Variants in SCN8A observed in about 807,000 individuals in gnomAD.
SCN8A encodes sodium channel protein type 8 subunit alpha.
A neutral mutation model predicts 184.1 loss-of-function variants in SCN8A; 30 were observed. The ratio of observed to expected loss-of-function variants is 0.16; its 90% CI spans 0.12 to 0.22. The LOEUF (loss-of-function observed/expected upper bound fraction) is 0.22, where lower values mean the gene tolerates loss of function less well. Ranked by LOEUF, SCN8A falls within the 10% of genes least tolerant of loss-of-function variation. The pLI, the probability that SCN8A is intolerant of heterozygous loss-of-function variation, is 1.00. For missense variants in SCN8A, 1,057 were observed against 2,498.9 expected, an observed-to-expected ratio of 0.42 and a Z score of 12.30; for synonymous variants, 852 against 907.0, an observed-to-expected ratio of 0.94 and a Z score of 1.09.
At chr12:51,767,171 A>T (rs1942851075) in intron 16 of SCN8A, among the ~76,000 whole-genome samples, 1 of 152,108 alleles carries the variant, frequency 6.6e-6, no homozygotes, top group African/African-American at 2.4e-5. Context: ...TCTTCTCACT[A>T]CTTCAGTGAC....
At chr12:51,637,989 A>G (rs78028684) in intron 1 of SCN8A, among the ~76,000 whole-genome samples, 5,567 of 152,230 alleles carry the variant, frequency 0.037, 313 homozygotes, top group African/African-American at 0.12. Context: ...GCCAGCGCTT[A>G]TTTACCATTC....
intron 14 of SCN8A, among the ~76,000 whole-genome samples, chr12:51,761,151 G>A (rs1265294566): frequency 6.6e-6 from 1 of 152,042 alleles, no homozygotes; most frequent in Non-Finnish European, 1.5e-5. Context: ...CTAGAATGAA[G>A]GTATTGGTTT....
intron 14 of SCN8A, among the ~76,000 whole-genome samples, chr12:51,757,000 C>G (rs751539492): frequency 6.6e-6 from 1 of 152,178 alleles, no homozygotes; most frequent in Non-Finnish European, 1.5e-5. Context: ...AAAAAGAATT[C>G]TTTTCAGATT....
chr12:51,715,306 A>T (rs1297403363), intron 11 of SCN8A, among the ~76,000 whole-genome samples: 1 of 152,108 alleles, frequency 6.6e-6, no homozygotes, highest in South Asian at 2.1e-4. Context: ...CTGTCTTATC[A>T]TCCTTATCAC....
chr12:51,731,432 G>T (rs1435710958), intron 12 of SCN8A, among the ~76,000 whole-genome samples: 3 of 151,650 alleles, frequency 2.0e-5, no homozygotes, highest in Non-Finnish European at 4.4e-5. Flanking sequence ...TGTATTTTTA[G>T]TAGAGACGGG....
intron 1 of SCN8A, among the ~76,000 whole-genome samples, chr12:51,639,874 A>T (rs1165238626): frequency 2.4e-5 from 1 of 41,670 alleles, no homozygotes; most frequent in Admixed American, 3.3e-4. Context: ...GAATTAAGGT[A>T]TATGCTTTTT....
At chr12:51,620,491 A>G (rs192086088) in intron 1 of SCN8A, among the ~76,000 whole-genome samples, 111 of 152,068 alleles carry the variant, frequency 7.3e-4, no homozygotes, top group African/African-American at 2.7e-3. Flanking sequence ...TCTTTATATA[A>G]CTCTATATTT....
chr12:51,753,945 T>G (rs1942634125), intron 14 of SCN8A, among the ~76,000 whole-genome samples: 1 of 152,186 alleles, frequency 6.6e-6, no homozygotes, highest in Non-Finnish European at 1.5e-5. Flanking sequence ...GTGGTTGGAA[T>G]GTGAGGCTTT....
rs1006711624 is a variant in SCN8A at position 51,684,465 on chromosome 12, A to C, written c.395+173A>C. On this transcript the variant is annotated intron_variant, in intron 3 of 26. Transcript: ENST00000627620. ...CCTGCCACATCCCAAGCTAAGCTTC[A>C]GCAAATTATTATTTTTTTTCTTAGG... is the stretch of plus-strand genomic sequence containing the variant. Among the ~76,000 whole-genome samples the C allele has an allele frequency of 3.9e-5, 6 of 152,242 alleles. No individual in the cohort carries two copies. In the East Asian group the frequency reaches 5.8e-4, roughly 15 times the overall value.
chr12:51,709,306 C>CT (rs1941834428), intron 11 of SCN8A, among the ~76,000 whole-genome samples: 1 of 152,088 alleles, frequency 6.6e-6, no homozygotes, highest in South Asian at 2.1e-4. Flanking sequence ...GTGATTGAAA[C>CT]CATGAGACTT....
chr12:51,652,094 G>A (rs1334323370), intron 1 of SCN8A, among the ~76,000 whole-genome samples: 1 of 151,840 alleles, frequency 6.6e-6, no homozygotes, highest in African/African-American at 2.4e-5. Flanking sequence ...CCTCCATTTG[G>A]AGGTACCAAA....
chr12:51,662,718 T>G, intron 1 of SCN8A, 46 bp from the exon 2 acceptor site: 1 of 1,219,176 alleles, frequency 8.2e-7, no homozygotes, highest in Non-Finnish European at 1.2e-6. Context: ...GGCCTCTTTT[T>G]AGAGCAGTGA....
Position 51,786,800 on chromosome 12 carries a change from G to T in SCN8A, c.4201G>T (p.Ala1401Ser). 1 of 1,613,728 alleles carries T rather than the reference G, an allele frequency of 6.2e-7. No homozygotes were observed. The highest frequency in any genetic ancestry group is 8.5e-7 in the Non-Finnish European group (1 of 1,179,818). The change falls in exon 22 of 27, where the codon GCA becomes TCA. Residue 1401 changes from alanine to serine, a missense_variant. Ala to Ser is a moderately conservative substitution (Grantham distance 99). Around this residue, in one of 19 missense-constraint regions of SCN8A, gnomAD observed 37 missense variants for 216.1 expected, o/e 0.17. Coordinates refer to ENST00000627620, the MANE Select transcript of SCN8A (RefSeq NM_001330260.2). Reference sequence around the variant, plus strand: ...GAAGATCAACTTTGACAATGTTGGGGCAGGATACCTGGCCCTTCTTCAAGT... The same window carrying T: ...GAAGATCAACTTTGACAATGTTGGGTCAGGATACCTGGCCCTTCTTCAAGT... The part of the protein sequence containing the change: ...NVKINFDNVG[A>S]GYLALLQVAT...
intron 1 of SCN8A, among the ~76,000 whole-genome samples, chr12:51,646,597 T>A (rs569246370): frequency 3.3e-5 from 5 of 152,292 alleles, no homozygotes; most frequent in African/African-American, 1.2e-4. Flanking sequence ...ACTTTTCAGT[T>A]TTAGAACAAT....
chr12:51,775,618 AC>A (rs577855287), intron 20 of SCN8A, among the ~76,000 whole-genome samples: 1 of 152,086 alleles, frequency 6.6e-6, no homozygotes, highest in Non-Finnish European at 1.5e-5. Context: ...AAGGACCTGT[AC>A]CCCCCACAGA....
intron 25 of SCN8A, among the ~76,000 whole-genome samples, chr12:51,794,158 CAG>C (rs940473375): frequency 3.9e-5 from 6 of 152,028 alleles, no homozygotes; most frequent in African/African-American, 1.4e-4. Context: ...GAAAAACAAA[CAG>C]AAAACAGAGA....
At chr12:51,626,415 G>C (rs1940078620) in intron 1 of SCN8A, among the ~76,000 whole-genome samples, 1 of 152,158 alleles carries the variant, frequency 6.6e-6, no homozygotes, top group Non-Finnish European at 1.5e-5. Context: ...TTCCTGCATA[G>C]AGCTCTCCGT....
intron 26 of SCN8A, among the ~76,000 whole-genome samples, chr12:51,797,848 A>G (rs1215608118): frequency 6.6e-6 from 1 of 152,166 alleles, no homozygotes. Context: ...TTCAGGTTTA[A>G]TGGAATCATT....
chr12:51,726,493 T>A (rs1942157249), intron 12 of SCN8A, among the ~76,000 whole-genome samples: 1 of 152,158 alleles, frequency 6.6e-6, no homozygotes, highest in Non-Finnish European at 1.5e-5. Context: ...ATCCAAGCAA[T>A]CTAACTCCTA....
Sources: allele counts gnomAD v4.1 joint callset (sites outside exome capture counted in the v4.1 genomes callset), GRCh38; gene constraint gnomAD v4.1.1; regional missense constraint gnomAD v4.1.1; transcripts MANE v1.5; gene names NCBI Gene and HGNC (gene_info 2026-07-23, HGNC 2026-07-21).